The following FAR1 variants were observed in gnomAD, a reference collection of about 807,000 sequenced individuals.
FAR1 encodes fatty acyl-CoA reductase 1, also known as male sterility domain-containing protein 2.
FAR1 carries 22 observed loss-of-function variants against 61.1 expected under a neutral mutation model. The observed-to-expected ratio is 0.36, with a 90% confidence interval of 0.26 to 0.51. The LOEUF is 0.51. Among genes scored for constraint, FAR1 ranks in the 20% least tolerant of loss-of-function variants. The pLI, the probability that FAR1 is intolerant of heterozygous loss-of-function variation, is 0.95. For missense variants in FAR1, 359 were observed against 626.9 expected (o/e 0.57, Z 4.56); for synonymous variants, 206 against 209.7 (o/e 0.98, Z 0.15).
At chr11:13,688,931 G>T (rs1388285596) in intron 1 of FAR1, among the ~76,000 whole-genome samples, 1 of 152,066 alleles carries the variant, frequency 6.6e-6, no homozygotes, top group Non-Finnish European at 1.5e-5. Context: ...GAGTAGCTGG[G>T]ACCATTCATT....
At chr11:13,703,888 A>G (rs563445190) in intron 3 of FAR1, among the ~76,000 whole-genome samples, 3 of 151,992 alleles carry the variant, frequency 2.0e-5, no homozygotes, top group African/African-American at 7.2e-5. Context: ...TGCTAATAAT[A>G]CAAAAATGAG....
At chr11:13,699,853 G>C (rs1004411456) in intron 2 of FAR1, among the ~76,000 whole-genome samples, 5 of 152,002 alleles carry the variant, frequency 3.3e-5, no homozygotes, top group African/African-American at 4.8e-5. Flanking sequence ...TAAGATTTTA[G>C]GTAGAATGTA....
intron 1 of FAR1, among the ~76,000 whole-genome samples, chr11:13,694,252 CGTA>C (rs1461729718): frequency 6.6e-6 from 1 of 152,058 alleles, no homozygotes; most frequent in Non-Finnish European, 1.5e-5. Flanking sequence ...CTAAGAGACA[CGTA>C]GTAGAAAGGG....
In FAR1 at chr11:13,727,614, T is replaced by A. The variant is rs755540208; in HGVS notation, c.1316T>A (p.Leu439Ter). 3 of 1,611,090 alleles carry A rather than the reference T, an allele frequency of 1.9e-6. No homozygotes were observed. The highest frequency in any genetic ancestry group is 2.5e-6 in the Non-Finnish European group (3 of 1,177,954). The stretch of plus-strand genomic sequence containing the variant: ...GCAGAATATATAGAGAACTACTGCT[T>A]GGGAACTAAGAAGTACGTATTGAAT... The part of the protein sequence containing the change: ...HWAEYIENYC[L>*]GTKKYVLNEE... Residue 439 changes from leucine (L) to a stop codon, truncating the protein, a stop_gained, in exon 11 of 12, where the codon TTG becomes TAG. Transcript: ENST00000354817. LOFTEE classifies it high-confidence loss of function.
At chr11:13,696,044 C>T (rs934254272) in intron 2 of FAR1, among the ~76,000 whole-genome samples, 3 of 152,116 alleles carry the variant, frequency 2.0e-5, no homozygotes, top group African/African-American at 7.2e-5. Flanking sequence ...TTAAAACCTA[C>T]AAGGAAAGAG....
At chr11:13,714,444 T>G (rs572366197) in intron 8 of FAR1, 65 bp from the exon 9 acceptor site, 2 of 1,427,460 alleles carry the variant, frequency 1.4e-6, no homozygotes, top group African/African-American at 3.0e-5. Flanking sequence ...AAAACATGAT[T>G]TTTTTTTTTC....
At chr11:13,728,195 CAT>C (rs993615442) in intron 11 of FAR1, among the ~76,000 whole-genome samples, 1 of 151,644 alleles carries the variant, frequency 6.6e-6, no homozygotes, top group African/African-American at 2.4e-5. Flanking sequence ...ATGAGAGTAA[CAT>C]ATTGTTACTC....
intron 4 of FAR1, among the ~76,000 whole-genome samples, chr11:13,708,870 G>A (rs1488903178): frequency 6.6e-6 from 1 of 152,126 alleles, no homozygotes; most frequent in Non-Finnish European, 1.5e-5. Context: ...CTGAGATCCT[G>A]TCAGCAATTG....
intron 1 of FAR1, among the ~76,000 whole-genome samples, chr11:13,681,576 C>T (rs1848127282): frequency 6.6e-6 from 1 of 152,170 alleles, no homozygotes; most frequent in Non-Finnish European, 1.5e-5. Flanking sequence ...TTTTGCCTAG[C>T]TCACAAGAAT....
Position 13,731,800 on chromosome 11 carries a change from C to A in FAR1, c.*3026C>A, listed in dbSNP as rs887245734. 1 of 152,136 alleles carries A rather than the reference C, an allele frequency of 6.6e-6. No homozygotes were observed. Among genetic ancestry groups the A allele is most frequent in the Non-Finnish European group, 1.5e-5 (1 of 68,030 alleles). 9.4% of individuals were successfully genotyped at this position (152,136 alleles called of 1,614,324 possible). ...GGTGTCATTGGGTTCCAGCTGCTCT[C>A]CTCCACATTGAATGATATCTTGTTA... is the stretch of plus-strand genomic sequence containing the variant. On this transcript the variant is annotated 3_prime_UTR_variant, in exon 12 of 12. Coordinates refer to ENST00000354817, the MANE Select transcript of FAR1 (RefSeq NM_032228.6).
chr11:13,696,928 C>A lies in FAR1; in HGVS notation c.189+1974C>A, dbSNP rs997213511. Among the ~76,000 whole-genome samples, 4 of 152,326 alleles carry A rather than the reference C, an allele frequency of 2.6e-5. No individual in the cohort carries two copies. The South Asian group carries it at 8.3e-4, about 32-fold the overall frequency. On this transcript the variant is annotated intron_variant, in intron 2 of 11. Transcript: ENST00000354817. ...GACATTGACTTATAGCAGGGTTTCT[C>A]AGCTTCAGCACCATTGACATTTTGG...
chr11:13,720,026 A>T (rs931775120), intron 9 of FAR1: 1 of 152,200 alleles, frequency 6.6e-6, no homozygotes, highest in African/African-American at 2.4e-5. Flanking sequence ...CTTATTCCCC[A>T]ATAGTTTTCA....
At chr11:13,698,715 C>T (rs966458574) in intron 2 of FAR1, among the ~76,000 whole-genome samples, 2 of 151,882 alleles carry the variant, frequency 1.3e-5, no homozygotes, top group Non-Finnish European at 2.9e-5. Flanking sequence ...CCTGTAGTCC[C>T]AGCTACTCTG....
intron 8 of FAR1, 129 bp downstream of exon 8, chr11:13,713,162 C>CT: frequency 1.3e-6 from 1 of 790,646 alleles, no homozygotes; most frequent in Non-Finnish European, 2.2e-6. Context: ...TAATTGTCGT[C>CT]TTAGAAGTAT....
rs185529161 is a variant in FAR1 at position 13,688,307 on chromosome 11, A to C, written c.-7-6452A>C. Reference sequence around the variant, plus strand: ...TAGTAGTATAAAATCACTTGTTAATAGCTTTGAAAGAAGCCGCTTCATTCT... The same window carrying C: ...TAGTAGTATAAAATCACTTGTTAATCGCTTTGAAAGAAGCCGCTTCATTCT... On this transcript the variant is annotated intron_variant, in intron 1 of 11. Transcript: ENST00000354817. 6.6e-5 allele frequency among the ~76,000 whole-genome samples: 10 copies of C among 152,198 alleles called. No individual in the cohort carries two copies. The East Asian group carries it at 1.4e-3, about 21-fold the overall frequency.
rs1848490270 is a variant in FAR1 at position 13,710,846 on chromosome 11, T to A, written c.699T>A (p.Gly233=). ...CAATTGTAAGGCCATCGATTGTTGGTGCCAGTTGGAAAGAACCTTTTCCAG... is the reference window on the plus strand; with the variant it reads ...CAATTGTAAGGCCATCGATTGTTGGAGCCAGTTGGAAAGAACCTTTTCCAG... ...NVAIVRPSIV[G]ASWKEPFPGW... is the part of the protein sequence containing the mutation. Residue 233 remains glycine, a synonymous_variant, in exon 5 of 12, where the codon GGT becomes GGA. Coordinates refer to ENST00000354817, the MANE Select transcript of FAR1 (RefSeq NM_032228.6). 6.2e-7 allele frequency: 1 copy of A among 1,610,518 alleles called. No homozygotes were observed. The highest frequency in any genetic ancestry group is 1.1e-5 in the South Asian group (1 of 90,028).
At chr11:13,703,782 G>A (rs113261140) in intron 3 of FAR1, among the ~76,000 whole-genome samples, 5 of 152,130 alleles carry the variant, frequency 3.3e-5, no homozygotes, top group African/African-American at 7.2e-5. Flanking sequence ...GGGGGCTCAC[G>A]CCTGTAATCC....
Position 13,700,401 on chromosome 11 carries a change from G to A in FAR1, c.274G>A (p.Ala92Thr), listed in dbSNP as rs1376959460. The change falls in exon 3 of 12, where the codon GCT (alanine) becomes ACT (threonine). Residue 92 changes from alanine to threonine, a missense_variant. Transcript: ENST00000354817. ...CAGCGAACTCACCCAACCTAAACTG[G>A]CTCTCAGTGAAGAAGATAAAGAGGT... is the stretch of plus-strand genomic sequence containing the variant. ...INSELTQPKL[A>T]LSEEDKEVII... 6.2e-7 allele frequency: 1 copy of A among 1,601,650 alleles called. No individual in the cohort carries two copies. The highest frequency in any genetic ancestry group is 1.7e-5 in the Admixed American group (1 of 57,564).
At position 13,668,733 on chromosome 11, in the gene FAR1, ACGG is replaced by A. The variant is rs534044328; in HGVS notation, c.-63_-61del. 562 of 156,858 alleles carry A rather than the reference ACGG, an allele frequency of 3.6e-3. 5 individuals are homozygous for A. The highest frequency in any genetic ancestry group is 0.012 in the African/African-American group (483 of 41,578). The allele number at this position is 156,858 out of a possible 1,614,324, so 9.7% of individuals were successfully genotyped here. On this transcript the variant is annotated 5_prime_UTR_variant, in exon 1 of 12. Coordinates refer to ENST00000354817, the MANE Select transcript of FAR1 (RefSeq NM_032228.6). ...TGGAAAAGCGAGTGAAGAGAGCGCGACGGCGGCGGCGGCGGCGGCGCAGCTATT... is the reference window on the plus strand; with the variant it reads ...TGGAAAAGCGAGTGAAGAGAGCGCGACGGCGGCGGCGGCGGCGCAGCTATT...
Sources: allele counts gnomAD v4.1 joint callset (sites outside exome capture counted in the v4.1 genomes callset), GRCh38; gene constraint gnomAD v4.1.1; transcripts MANE v1.5; gene names NCBI Gene and HGNC (gene_info 2026-07-23, HGNC 2026-07-21).